CSNK2B: variants seen among roughly 807,000 people sequenced by gnomAD.
CSNK2B encodes the protein casein kinase II subunit beta.
In CSNK2B, 2 loss-of-function variants were observed where a neutral mutation model predicts 28.8. The ratio of observed to expected loss-of-function variants is 0.07; its 90% CI spans 0.03 to 0.22. The LOEUF (loss-of-function observed/expected upper bound fraction) is 0.22. CSNK2B is among the 10% of genes least tolerant of loss of function. The pLI is 1.00. For missense variants in CSNK2B, 107 were observed against 277.9 expected (o/e 0.39, Z 4.37); for synonymous variants, 89 against 96.1 (o/e 0.93, Z 0.43).
chr6:31,666,680 G>A, intron 1 of CSNK2B, 141 bp from the exon 2 acceptor site: 1 of 627,450 alleles, frequency 1.6e-6, no homozygotes, highest in Non-Finnish European at 2.8e-6. Context: ...GAGCTGGAGA[G>A]GAGTGCTTCA....
intron 4 of CSNK2B, 174 bp from the exon 5 acceptor site, chr6:31,668,923 C>G: frequency 1.6e-6 from 1 of 619,776 alleles, no homozygotes; most frequent in Non-Finnish European, 2.9e-6. Context: ...GGTTTGTAGC[C>G]TGCCTAATTG....
At chr6:31,668,716 C>A (rs748980196) in intron 4 of CSNK2B, 62 bp downstream of exon 4, 1 of 1,455,210 alleles carries the variant, frequency 6.9e-7, no homozygotes, top group Non-Finnish European at 9.6e-7. Flanking sequence ...GTTCCTGCAG[C>A]AAGAAGTCAT....
At chr6:31,668,252 G>A in intron 3 of CSNK2B, 1 of 603,106 alleles carries the variant, frequency 1.7e-6, no homozygotes, top group Non-Finnish European at 2.9e-6. Context: ...TTCCAGTCTA[G>A]AATTTCATCT....
intron 4 of CSNK2B, 95 bp downstream of exon 4, chr6:31,668,749 C>A: frequency 8.5e-7 from 1 of 1,176,070 alleles, no homozygotes; most frequent in Non-Finnish European, 1.3e-6. Context: ...TTTAAGGAAG[C>A]TAGCTGAGAA....
In CSNK2B at chr6:31,666,763, A is replaced by G; in HGVS notation, c.-11-58A>G. 5 of 1,391,808 alleles carry G rather than the reference A, an allele frequency of 3.6e-6. No homozygotes were observed. The East Asian group carries it at 9.2e-5, about 26-fold the overall frequency. The allele number at this position is 1,391,808 out of a possible 1,614,324, so 86.2% of individuals were successfully genotyped here. A position where few individuals can be genotyped will look rare whatever the true frequency, so the allele number is the denominator to read the frequency against. ...TGGAGGGCCGAATGTGGGAGGAGGG[A>G]GGATACCAGAGGCAGGGAAGGAGAA... is the stretch of plus-strand genomic sequence containing the variant. On this transcript the variant is annotated intron_variant, in intron 1 of 6. Coordinates refer to ENST00000375882, the MANE Select transcript of CSNK2B (RefSeq NM_001320.7).
intron 3 of CSNK2B, 60 bp from the exon 4 acceptor site, chr6:31,668,479 G>A: frequency 1.4e-6 from 2 of 1,477,396 alleles, no homozygotes; most frequent in Non-Finnish European, 1.9e-6. Flanking sequence ...CCTGGATATG[G>A]GCAGGGCACC....
rs1410849933 is a variant in CSNK2B, at chr6:31,669,090, A to T, written c.292-7A>T. Reference sequence around the variant, plus strand: ...CCTGCCAACCCCTTCCATTGTATTCACCTCAGTTGGAAAAGTACCAGCAAG... The same window carrying T: ...CCTGCCAACCCCTTCCATTGTATTCTCCTCAGTTGGAAAAGTACCAGCAAG... On this transcript the variant is annotated splice_region_variant and splice_polypyrimidine_tract_variant and intron_variant, in intron 4 of 6. Coordinates refer to ENST00000375882, the MANE Select transcript of CSNK2B (RefSeq NM_001320.7). The surrounding 1 kb of genome is among the most constrained non-coding windows in gnomAD (Gnocchi z 4.8). 2 of 1,611,548 alleles carry T rather than the reference A, an allele frequency of 1.2e-6. No individual in the cohort carries two copies. The highest frequency in any genetic ancestry group is 2.7e-5 in the African/African-American group (2 of 74,788).
intron 4 of CSNK2B, 130 bp downstream of exon 4, chr6:31,668,784 G>A (rs2151187637): frequency 2.4e-6 from 2 of 816,848 alleles, no homozygotes; most frequent in South Asian, 1.6e-5. Context: ...CAGAACTTGG[G>A]CCTGGGAATT....
In CSNK2B at chr6:31,669,503, G is replaced by T. The variant is rs1020089388; in HGVS notation, c.552G>T (p.Val184=). The change falls in exon 6 of 7, where the codon GTG becomes GTT. Residue 184 remains valine (V), a synonymous_variant. Transcript: ENST00000375882. This position sits in a 1 kb window ranked among gnomAD's most constrained non-coding sequence, Gnocchi z 4.8. ...CCAAGAGACCTGCCAACCAGTTTGT[G>T]CCCAGGTAGGGAGCAGGGAGAGTCA... ...YRPKRPANQF[V]PRLYGFKIHP... is the part of the protein sequence containing the mutation. 1 of 1,608,716 alleles carries T rather than the reference G, an allele frequency of 6.2e-7. No homozygotes were observed.
rs752538843 is a variant in CSNK2B, at chr6:31,669,279, TA to T, written c.368-39del. The T allele has an allele frequency of 5.6e-6, 9 of 1,605,406 alleles. No individual in the cohort carries two copies. Among genetic ancestry groups the T allele is most frequent in the Non-Finnish European group, 6.8e-6 (8 of 1,173,450 alleles). ...GTCCTGAGGGGAGGTTAGGTAGGAA[TA>T]GGGGGATACCTGGCCTGCTGAGTCT... On this transcript the variant is annotated intron_variant, in intron 5 of 6. Coordinates refer to ENST00000375882, the MANE Select transcript of CSNK2B (RefSeq NM_001320.7). This position sits in a 1 kb window ranked among gnomAD's most constrained non-coding sequence, Gnocchi z 4.8.
chr6:31,666,945 CT>C, intron 2 of CSNK2B, 42 bp downstream of exon 2: 1 of 1,464,990 alleles, frequency 6.8e-7, no homozygotes, highest in Non-Finnish European at 9.6e-7. Context: ...CTTCACATAT[CT>C]TCCCACCAGA....
chr6:31,668,515 G>A (rs1430773024), intron 3 of CSNK2B, 24 bp from the exon 4 acceptor site: 2 of 1,602,304 alleles, frequency 1.2e-6, no homozygotes, highest in African/African-American at 1.3e-5. Flanking sequence ...ACAAGTAGTT[G>A]CATTTGGCCG....
At position 31,666,190 on chromosome 6, in the gene CSNK2B, C is replaced by T. The variant is rs1274067063; in HGVS notation, c.-30C>T. 1.0e-6 allele frequency: 1 copy of T among 993,070 alleles called. No individual in the cohort carries two copies. The highest frequency in any genetic ancestry group is 1.2e-6 in the Non-Finnish European group (1 of 833,658). 61.5% of individuals were successfully genotyped at this position (993,070 alleles called of 1,614,324 possible). A position where few individuals can be genotyped will look rare whatever the true frequency, so the allele number is the denominator to read the frequency against. On this transcript the variant is annotated 5_prime_UTR_variant, in exon 1 of 7. Transcript: ENST00000375882. Reference sequence around the variant, plus strand: ...AGCAACTTCCCTACCCCACCCCAGTCCTGGTCCCCGTCCAGCCGGTGAGTC... The same window carrying T: ...AGCAACTTCCCTACCCCACCCCAGTTCTGGTCCCCGTCCAGCCGGTGAGTC...
chr6:31,668,618 C>A lies in CSNK2B; in HGVS notation c.255C>A (p.Ala85=), dbSNP rs780263271. The change falls in exon 4 of 7, where the codon GCC becomes GCA. Residue 85 remains alanine, a synonymous_variant. Transcript: ENST00000375882. ...AGATGCTTTATGGATTGATCCACGCCCGCTACATCCTTACCAACCGTGGCA... is the reference window on the plus strand; with the variant it reads ...AGATGCTTTATGGATTGATCCACGCACGCTACATCCTTACCAACCGTGGCA... ...AAEMLYGLIH[A]RYILTNRGIA... 1.8e-5 allele frequency: 29 copies of A among 1,613,100 alleles called. No individual in the cohort carries two copies. The highest frequency in any genetic ancestry group is 2.5e-5 in the Non-Finnish European group (29 of 1,180,046).
At chr6:31,668,896 C>T in intron 4 of CSNK2B, 1 of 612,850 alleles carries the variant, frequency 1.6e-6, no homozygotes, top group Non-Finnish European at 2.9e-6. Context: ...AAGGAACAAA[C>T]AACAAATGGC....
chr6:31,668,328 G>A (rs1801941515), intron 3 of CSNK2B: 2 of 602,570 alleles, frequency 3.3e-6, no homozygotes, highest in South Asian at 2.0e-5. Flanking sequence ...AGGAGCAGAG[G>A]CTGAAAAGGT....
At chr6:31,666,935 C>A in intron 2 of CSNK2B, 32 bp downstream of exon 2, 1 of 1,496,602 alleles carries the variant, frequency 6.7e-7, no homozygotes, top group Non-Finnish European at 9.3e-7. Flanking sequence ...TACTTGCCAG[C>A]TTCACATATC....
intron 1 of CSNK2B, chr6:31,666,562 G>C (rs988324454): frequency 1.8e-6 from 1 of 544,458 alleles, no homozygotes; most frequent in Admixed American, 3.4e-5. Flanking sequence ...GGAGCTCCAG[G>C]GATGTGGGTC....
chr6:31,666,991 CT>C, intron 2 of CSNK2B, 88 bp downstream of exon 2: 1 of 1,084,408 alleles, frequency 9.2e-7, no homozygotes, highest in Non-Finnish European at 1.4e-6. Flanking sequence ...GCACTGTTCT[CT>C]TACATGCTAT....
Sources: allele counts gnomAD v4.1 joint callset, GRCh38; gene constraint gnomAD v4.1.1; non-coding constraint Gnocchi (gnomAD v3.1); transcripts MANE v1.5; gene names NCBI Gene and HGNC (gene_info 2026-07-23, HGNC 2026-07-21).